The following RP1 variants were observed in gnomAD, a reference collection of about 807,000 sequenced individuals.
RP1 encodes RP1 axonemal microtubule associated.
In RP1, 16 loss-of-function variants were observed where a neutral mutation model predicts 14.8. The observed-to-expected ratio is 1.08, with a 90% CI of 0.73 to 1.65. The LOEUF (loss-of-function observed/expected upper bound fraction) is 1.65. RP1 is among the 40% of genes most tolerant of loss of function. RP1 has a pLI of 0.00. For synonymous variants in RP1, 876 were observed against 883.6 expected, an observed-to-expected ratio of 0.99 and a Z score of 0.15; for missense variants, 2,631 against 2,535.0, an observed-to-expected ratio of 1.04 and a Z score of -0.81.
rs34753388 is a variant in RP1, at chr8:54,740,403, T to TAAAAA, written c.2808+1398_2808+1402dup. ...ATTTTTAACAAGAAAGCTTAAAAAG[T>TAAAAA]AAAAAAAAAAAAAAAAAAAAAAAAA... On this transcript the variant is annotated intron_variant, in intron 19 of 22. Coordinates refer to the RP1 transcript ENST00000636932. 7.9e-4 allele frequency among the ~76,000 whole-genome samples: 63 copies of TAAAAA among 80,234 alleles called. 4 individuals carry two copies. The highest frequency in any genetic ancestry group is 2.6e-3 in the African/African-American group (57 of 21,810). The allele number at this position is 80,234 out of a possible 152,430, so 52.6% of individuals were successfully genotyped here. A position where few individuals can be genotyped will look rare whatever the true frequency, so the allele number is the denominator to read the frequency against.
chr8:54,622,051 A>C lies in RP1; in HGVS notation c.616-66A>C, dbSNP rs979920705. 6.5e-6 allele frequency: 10 copies of C among 1,537,878 alleles called. No homozygotes were observed. The African/African-American group carries it at 1.4e-4, about 21-fold the overall frequency. ...GAGGTTGTTGATTTGATTCAAGCAA[A>C]GTTATAAAATTACCACTTAGTATAA... On this transcript the variant is annotated intron_variant, in intron 2 of 3. Coordinates refer to ENST00000220676, the MANE Select transcript of RP1 (RefSeq NM_006269.2).
intron 6 of RP1, among the ~76,000 whole-genome samples, chr8:54,660,421 A>C (rs545434498): frequency 6.6e-6 from 1 of 152,162 alleles, no homozygotes; most frequent in Non-Finnish European, 1.5e-5. Flanking sequence ...CTTTTTCTGC[A>C]TTGATGAAGT....
At chr8:54,788,916 AG>A (rs1810393714) in intron 24 of RP1, among the ~76,000 whole-genome samples, 1 of 152,124 alleles carries the variant, frequency 6.6e-6, no homozygotes, top group African/African-American at 2.4e-5. Context: ...AATGAGAAAA[AG>A]TCTCATTAAA....
intron 25 of RP1, among the ~76,000 whole-genome samples, chr8:54,846,496 A>G (rs55962020): frequency 0.25 from 37,337 of 152,168 alleles, 5,269 homozygotes; most frequent in Middle Eastern, 0.45. Flanking sequence ...GCATTTGGTA[A>G]CACTCATCAA....
At chr8:54,749,369 A>G (rs1235037684) in intron 19 of RP1, among the ~76,000 whole-genome samples, 1 of 152,012 alleles carries the variant, frequency 6.6e-6, no homozygotes, top group Non-Finnish European at 1.5e-5. Flanking sequence ...GAATACAAAT[A>G]TAGATGGTGG....
intron 18 of RP1, among the ~76,000 whole-genome samples, chr8:54,735,904 A>G (rs1402137262): frequency 6.6e-6 from 1 of 152,178 alleles, no homozygotes; most frequent in Non-Finnish European, 1.5e-5. Context: ...AAATTTACTT[A>G]GGGTCAAATC....
intron 21 of RP1, chr8:54,758,826 C>A: frequency 7.8e-7 from 1 of 1,282,222 alleles, no homozygotes; most frequent in Non-Finnish European, 1.1e-6. Flanking sequence ...TATTGTGCTG[C>A]TTCTGGCAGT....
At chr8:54,638,539 A>C (rs897886926) in intron 3 of RP1, among the ~76,000 whole-genome samples, 3 of 152,128 alleles carry the variant, frequency 2.0e-5, no homozygotes, top group African/African-American at 7.2e-5. Flanking sequence ...AGCTTTAAAA[A>C]TTTGTCTTTT....
chr8:54,579,914 C>T (rs1006151996), intron 1 of RP1, among the ~76,000 whole-genome samples: 34 of 152,192 alleles, frequency 2.2e-4, no homozygotes, highest in African/African-American at 8.0e-4. Context: ...AGCCTGTCTC[C>T]TGGGAGTGCA....
At chr8:54,592,241 C>G (rs1231219183) in intron 1 of RP1, among the ~76,000 whole-genome samples, 2 of 152,208 alleles carry the variant, frequency 1.3e-5, no homozygotes, top group Non-Finnish European at 2.9e-5. Flanking sequence ...TACATAATTT[C>G]TTTCCATTAA....
chr8:54,613,227 G>A (rs1229859808), upstream of RP1, among the ~76,000 whole-genome samples: 1 of 152,158 alleles, frequency 6.6e-6, no homozygotes, highest in Non-Finnish European at 1.5e-5. Context: ...CATCAGAATG[G>A]ACCATACACA....
intron 25 of RP1, among the ~76,000 whole-genome samples, chr8:54,838,802 C>G (rs1811726523): frequency 6.6e-6 from 1 of 152,008 alleles, no homozygotes; most frequent in African/African-American, 2.4e-5. Flanking sequence ...GGCAGAGGTT[C>G]TTAGAGGCTC....
chr8:54,840,099 T>C (rs962436994), intron 25 of RP1, among the ~76,000 whole-genome samples: 3 of 152,150 alleles, frequency 2.0e-5, no homozygotes, highest in African/African-American at 7.2e-5. Flanking sequence ...ATCTATTCTA[T>C]TCACCTCATT....
Position 54,627,452 on chromosome 8 carries a change from T to G in RP1, c.3570T>G (p.Thr1190=). 6.2e-7 allele frequency: 1 copy of G among 1,614,170 alleles called. No individual in the cohort carries two copies. The highest frequency in any genetic ancestry group is 8.5e-7 in the Non-Finnish European group (1 of 1,179,974). ...KAAVANLVES[T]TSHFGLSEKE... is the part of the protein sequence containing the mutation. Reference sequence around the variant, plus strand: ...CTGTTGCCAATTTAGTGGAGTCAACTACAAGCCACTTTGGACTCAGTGAGA... The same window carrying G: ...CTGTTGCCAATTTAGTGGAGTCAACGACAAGCCACTTTGGACTCAGTGAGA... Residue 1190 remains threonine (T), a synonymous_variant, in exon 4 of 4, where the codon ACT becomes ACG. Coordinates refer to ENST00000220676, the MANE Select transcript of RP1 (RefSeq NM_006269.2).
At chr8:54,865,519 TTAACA>T (rs1326540023) in intron 27 of RP1, among the ~76,000 whole-genome samples, 1 of 152,210 alleles carries the variant, frequency 6.6e-6, no homozygotes, top group African/African-American at 2.4e-5. Context: ...CTTCTATGAC[TTAACA>T]TAACTGAAAT....
chr8:54,574,906 T>G (rs1804609294), intron 1 of RP1, among the ~76,000 whole-genome samples: 1 of 152,134 alleles, frequency 6.6e-6, no homozygotes, highest in African/African-American at 2.4e-5. Flanking sequence ...ACCCTCCTGC[T>G]GAGAGTTTGA....
At chr8:54,696,578 C>T in intron 12 of RP1, 4 of 730,120 alleles carry the variant, frequency 5.5e-6, no homozygotes, top group Non-Finnish European at 4.8e-6. Flanking sequence ...TGACTCCTGG[C>T]AGCAGAAACG....
intron 19 of RP1, among the ~76,000 whole-genome samples, chr8:54,751,670 C>A (rs1244859180): frequency 6.6e-6 from 1 of 152,172 alleles, no homozygotes; most frequent in Non-Finnish European, 1.5e-5. Flanking sequence ...TTGCCACATG[C>A]CTTTTACTGA....
chr8:54,825,572 A>G (rs1181771024), intron 24 of RP1, among the ~76,000 whole-genome samples: 1 of 152,236 alleles, frequency 6.6e-6, no homozygotes, highest in East Asian at 1.9e-4. Context: ...CGTATATGAC[A>G]GACAACTCTT....
Sources: gnomAD v4.1 joint callset for allele counts (sites outside exome capture counted in the v4.1 genomes callset) on GRCh38, gnomAD v4.1.1 for gene constraint, MANE v1.5 for transcripts, NCBI Gene and HGNC (gene_info 2026-07-23, HGNC 2026-07-21) for gene names.